USP6: variants seen among roughly 807,000 people sequenced by gnomAD.
The protein encoded by USP6 is ubiquitin specific peptidase 6, also known as ubiquitin carboxyl-terminal hydrolase 6.
In USP6, 128 loss-of-function variants were observed where a neutral mutation model predicts 175.7. That is an observed-to-expected ratio of 0.73 (90% CI 0.63 to 0.84). The LOEUF (loss-of-function observed/expected upper bound fraction) is 0.84. Among genes scored for constraint, USP6 ranks in the 40% least tolerant of loss-of-function variants. USP6 has a pLI of 0.00. For synonymous variants in USP6, 562 were observed against 630.6 expected (o/e 0.89, Z 1.63); for missense variants, 1,498 against 1,760.3 (o/e 0.85, Z 2.67).
intron 31 of USP6, among the ~76,000 whole-genome samples, chr17:5,158,574 AGAGAGG>A (rs2073934524): frequency 1.4e-5 from 2 of 139,148 alleles, no homozygotes; most frequent in South Asian, 2.3e-4. Flanking sequence ...CTCAAAAGAG[AGAGAGG>A]GAGAGAGAGA....
intron 2 of USP6, among the ~76,000 whole-genome samples, 172 bp downstream of exon 2, chr17:5,118,462 G>C (rs541590628): frequency 2.0e-3 from 310 of 152,382 alleles, no homozygotes; most frequent in Non-Finnish European, 3.5e-3. Flanking sequence ...CTGCCCAAGT[G>C]GGGGTGCCTG....
intron 30 of USP6, 52 bp from the exon 31 acceptor site, chr17:5,155,370 G>C (rs2073858615): frequency 6.3e-7 from 1 of 1,594,052 alleles, no homozygotes; most frequent in African/African-American, 1.3e-5. Context: ...GAACTAAAGG[G>C]AGGAATCAGA....
rs1303035839 is a variant in USP6 at position 5,173,233 on chromosome 17, C to T, written c.*255C>T. On this transcript the variant is annotated 3_prime_UTR_variant, in exon 38 of 38. Coordinates refer to ENST00000574788, the MANE Select transcript of USP6 (RefSeq NM_001304284.2). The stretch of plus-strand genomic sequence containing the variant: ...AAACAAAAGGTGTGGCACCAGCCAC[C>T]TGGGACCAAATAAGAATTGAATTGT... 2.3e-6 allele frequency: 1 copy of T among 442,280 alleles called. No homozygotes were observed. The highest frequency in any genetic ancestry group is 2.0e-5 in the African/African-American group (1 of 51,084). The allele number at this position is 442,280 out of a possible 1,614,324, so 27.4% of individuals were successfully genotyped here. A position where few individuals can be genotyped will look rare whatever the true frequency, so the allele number is the denominator to read the frequency against.
intron 4 of USP6, among the ~76,000 whole-genome samples, chr17:5,124,283 A>G (rs1353786033): frequency 1.3e-5 from 2 of 152,152 alleles, no homozygotes; most frequent in Non-Finnish European, 2.9e-5. Context: ...GAGTGATGCA[A>G]TGAGGTTGGG....
In USP6 at chr17:5,162,981, C is replaced by T. The variant is rs371570526; in HGVS notation, c.3013C>T (p.Arg1005Cys). 13 of 1,585,516 alleles carry T rather than the reference C, an allele frequency of 8.2e-6. No individual in the cohort carries two copies. In the African/African-American group the frequency reaches 1.2e-4, roughly 15 times the overall value. ...TTGGCACCCCACAGCCCTTCACCTT[C>T]GCTATCAAACATCCCAGGAAAGGGT... is the stretch of plus-strand genomic sequence containing the variant. ...VDWHPTALHL[R>C]YQTSQERVVD... Residue 1005 changes from arginine to cysteine, a missense_variant, in exon 33 of 38, where the codon CGC becomes TGC. Transcript: ENST00000574788.
intron 6 of USP6, among the ~76,000 whole-genome samples, chr17:5,127,259 C>T (rs2072923685): frequency 6.6e-6 from 1 of 152,218 alleles, no homozygotes; most frequent in African/African-American, 2.4e-5. Context: ...TCAGCCACCC[C>T]TCTGCAGGCT....
chr17:5,156,790 G>A (rs1421720659), intron 31 of USP6, among the ~76,000 whole-genome samples: 1 of 151,654 alleles, frequency 6.6e-6, no homozygotes, highest in African/African-American at 2.4e-5. Context: ...GAATGCAGTG[G>A]TGTGATTTTG....
rs747226133 is a variant in USP6 at position 5,148,635 on chromosome 17, C to T, written c.2511C>T (p.Pro837=). ...NGDLPKPIFI[P]NGMPNTVVPC... ...ACCTACCCAAACCAATATTCATCCCCAATGGAATGCCAAACACTGTTGTGC... is the reference window on the plus strand; with the variant it reads ...ACCTACCCAAACCAATATTCATCCCTAATGGAATGCCAAACACTGTTGTGC... The change falls in exon 30 of 38, where the codon CCC becomes CCT. Residue 837 remains proline, a synonymous_variant. Transcript: ENST00000574788. 1 of 1,613,942 alleles carries T rather than the reference C, an allele frequency of 6.2e-7. No homozygotes were observed. The highest frequency in any genetic ancestry group is 1.1e-5 in the South Asian group (1 of 91,072).
At position 5,145,490 on chromosome 17, in the gene USP6, CAT is replaced by C. The variant is rs560633910; in HGVS notation, c.2079_2080del (p.Cys694TrpfsTer8). 1.4e-3 allele frequency: 2,301 copies of C among 1,613,024 alleles called. 14 individuals are homozygous for C. In the African/African-American group the frequency reaches 0.017, roughly 12 times the overall value. On this transcript the variant is annotated frameshift_variant, in exon 27 of 38. Coordinates refer to ENST00000574788, the MANE Select transcript of USP6 (RefSeq NM_001304284.2). LOFTEE classifies it high-confidence loss of function. ...CTAAGATCTCAAGTCAAATGCAAGA[CAT>C]GTGGGCATATAAGTGTCCGATTTGA...
intron 28 of USP6, among the ~76,000 whole-genome samples, 185 bp from the exon 29 acceptor site, chr17:5,146,898 T>C (rs1030649786): frequency 2.6e-5 from 4 of 152,180 alleles, no homozygotes; most frequent in African/African-American, 9.6e-5. Context: ...GTTCAACAAT[T>C]GAGATTAGTT....
chr17:5,154,863 A>G (rs1263490024), intron 30 of USP6, among the ~76,000 whole-genome samples: 1 of 152,078 alleles, frequency 6.6e-6, no homozygotes, highest in Non-Finnish European at 1.5e-5. Context: ...CCTCCTGTAT[A>G]GGTGGGACTA....
chr17:5,143,478 CAT>C (rs999822300), intron 25 of USP6, among the ~76,000 whole-genome samples: 6 of 151,564 alleles, frequency 4.0e-5, no homozygotes, highest in Non-Finnish European at 5.9e-5. Flanking sequence ...CTCTCTGAAA[CAT>C]GTGCTGTGTC....
chr17:5,149,361 C>T (rs2073699939), intron 30 of USP6, among the ~76,000 whole-genome samples: 1 of 152,100 alleles, frequency 6.6e-6, no homozygotes, highest in Admixed American at 6.6e-5. Context: ...GAAGATTGTG[C>T]CACAGCACTC....
Position 5,168,995 on chromosome 17 carries a change from G to A in USP6, c.3457G>A (p.Asp1153Asn). Reference protein sequence around the residue: ...VDAQSSAGKEDMLLSKSPSSL... With the variant: ...VDAQSSAGKENMLLSKSPSSL... ...TGCGCAGAGTTCGGCTGGAAAAGAGGACATGCTCCTAAGCAAAAGCCCATC... is the reference window on the plus strand; with the variant it reads ...TGCGCAGAGTTCGGCTGGAAAAGAGAACATGCTCCTAAGCAAAAGCCCATC... The change falls in exon 35 of 38, where the codon GAC (aspartate) becomes AAC (asparagine). Residue 1153 changes from aspartate (D) to asparagine (N), a missense_variant. By Grantham distance (23) the Asp-to-Asn change is conservative. Coordinates refer to ENST00000574788, the MANE Select transcript of USP6 (RefSeq NM_001304284.2). 4 of 1,613,966 alleles carry A rather than the reference G, an allele frequency of 2.5e-6. No homozygotes were observed. The highest frequency in any genetic ancestry group is 3.4e-6 in the Non-Finnish European group (4 of 1,179,872).
chr17:5,154,046 A>T (rs1730489), intron 30 of USP6, among the ~76,000 whole-genome samples: 30,128 of 152,230 alleles, frequency 0.2, 4,100 homozygotes, highest in East Asian at 0.61. Flanking sequence ...ACTAGGAGAA[A>T]TTCCTTAATG....
At chr17:5,126,754 A>T (rs1433496566) in intron 6 of USP6, 1 of 151,824 alleles carries the variant, frequency 6.6e-6, no homozygotes, top group Non-Finnish European at 1.5e-5. Flanking sequence ...CTGGGGCTCC[A>T]CGTGGACGGC....
chr17:5,125,708 A>ATG (rs2072874345), intron 5 of USP6, 113 bp from the exon 6 acceptor site: 1 of 151,948 alleles, frequency 6.6e-6, no homozygotes, highest in Non-Finnish European at 1.5e-5. Flanking sequence ...ACACACACAC[A>ATG]CACACACACA....
At position 5,133,396 on chromosome 17, in the gene USP6, T is replaced by G. The variant is rs764592355; in HGVS notation, c.277-47T>G. On this transcript the variant is annotated intron_variant, in intron 13 of 37. Coordinates refer to ENST00000574788, the MANE Select transcript of USP6 (RefSeq NM_001304284.2). ...AGAATCCCCAGGCTCTGGTCCTCAC[T>G]GGGGTCACCCCATGGCCTGTGACAC... 5 of 1,557,402 alleles carry G rather than the reference T, an allele frequency of 3.2e-6. No homozygotes were observed. In the Admixed American group the frequency reaches 6.7e-5, roughly 21 times the overall value.
At chr17:5,137,023 A>G in intron 18 of USP6, 98 bp from the exon 19 acceptor site, 1 of 1,349,550 alleles carries the variant, frequency 7.4e-7, no homozygotes, top group Non-Finnish European at 1.1e-6. Context: ...GACACCGCCC[A>G]GTGTTCTGCA....
Sources: gnomAD v4.1 joint callset for allele counts (sites outside exome capture counted in the v4.1 genomes callset) on GRCh38, gnomAD v4.1.1 for gene constraint, MANE v1.5 for transcripts, NCBI Gene and HGNC (gene_info 2026-07-23, HGNC 2026-07-21) for gene names.